Variants in PCDH7 observed in about 807,000 individuals in gnomAD.
The protein encoded by PCDH7 is protocadherin-7.
In PCDH7, 17 loss-of-function variants were observed where a neutral mutation model predicts 58.9. That is an observed-to-expected ratio of 0.29 (90% CI 0.20 to 0.43). PCDH7 has a LOEUF of 0.43. Ranked by LOEUF, PCDH7 falls within the 20% of genes least tolerant of loss-of-function variation. The pLI is 1.00. For synonymous variants in PCDH7, 664 were observed against 616.4 expected (o/e 1.08, Z -1.14); for missense variants, 1,274 against 1,441.0 (o/e 0.88, Z 1.88).
chr4:31,082,773 G>T (rs758126180), intron 3 of PCDH7, among the ~76,000 whole-genome samples: 3 of 122,204 alleles, frequency 2.5e-5, no homozygotes, highest in Non-Finnish European at 4.9e-5. Context: ...CAGAAACTCA[G>T]AAGAGGGAGG....
At chr4:30,730,453 G>A (rs1715322080) in intron 1 of PCDH7, among the ~76,000 whole-genome samples, 1 of 152,094 alleles carries the variant, frequency 6.6e-6, no homozygotes. Context: ...CACTTCTGGT[G>A]AATTAATGTT....
intron 1 of PCDH7, among the ~76,000 whole-genome samples, chr4:30,903,623 T>C (rs1740514236): frequency 6.6e-6 from 1 of 152,126 alleles, no homozygotes; most frequent in Non-Finnish European, 1.5e-5. Context: ...GATTATCCTT[T>C]ATATTTTCCA....
chr4:30,890,781 G>A (rs1738507173), intron 1 of PCDH7, among the ~76,000 whole-genome samples: 1 of 151,812 alleles, frequency 6.6e-6, no homozygotes, highest in Admixed American at 6.6e-5. Context: ...TATTTCTAAG[G>A]GTATATTTAA....
chr4:30,746,719 T>A (rs1013133963), intron 1 of PCDH7, among the ~76,000 whole-genome samples: 1 of 152,204 alleles, frequency 6.6e-6, no homozygotes, highest in Non-Finnish European at 1.5e-5. Flanking sequence ...ACATTACTAA[T>A]GACAAAATTG....
intron 3 of PCDH7, among the ~76,000 whole-genome samples, chr4:31,042,232 G>T (rs950114955): frequency 6.6e-6 from 1 of 152,122 alleles, no homozygotes; most frequent in Admixed American, 6.6e-5. Context: ...TTCTAGATAA[G>T]ATAGGAGGAT....
intron 3 of PCDH7, among the ~76,000 whole-genome samples, chr4:31,063,876 G>A (rs1233353926): frequency 1.3e-5 from 2 of 151,866 alleles, no homozygotes; most frequent in Admixed American, 6.6e-5. Context: ...TTTATAGATG[G>A]AGAAACTGAG....
chr4:30,973,391 G>A (rs1354947053), intron 3 of PCDH7, among the ~76,000 whole-genome samples: 1 of 152,162 alleles, frequency 6.6e-6, no homozygotes, highest in African/African-American at 2.4e-5. Context: ...TCAAATCATA[G>A]CACCCTTTGA....
Position 31,101,770 on chromosome 4 carries a change from T to A in PCDH7, c.*8-40703T>A, listed in dbSNP as rs1203051739. The stretch of plus-strand genomic sequence containing the variant: ...TATTATATAAATGCATTGAGTATAG[T>A]TTTTATAAATGCAAGGCACTGCGAA... On this transcript the variant is annotated intron_variant, in intron 3 of 3. Transcript: ENST00000509759. 2.0e-5 allele frequency among the ~76,000 whole-genome samples: 3 copies of A among 152,234 alleles called. No individual in the cohort carries two copies. The East Asian group carries it at 5.8e-4, about 29-fold the overall frequency.
At chr4:30,735,721 G>T (rs1716156451), downstream of PCDH7, among the ~76,000 whole-genome samples, 2 of 152,166 alleles carry the variant, frequency 1.3e-5, no homozygotes, top group African/African-American at 2.4e-5. Context: ...CTAGCGAGGA[G>T]TTGGGGAGGT....
At chr4:30,864,531 T>G (rs1455761335) in intron 1 of PCDH7, among the ~76,000 whole-genome samples, 1 of 151,960 alleles carries the variant, frequency 6.6e-6, no homozygotes, top group Non-Finnish European at 1.5e-5. Flanking sequence ...TTAATTTTTT[T>G]GTTGTTCCTA....
chr4:31,110,681 C>A (rs931295989), intron 3 of PCDH7, among the ~76,000 whole-genome samples: 1 of 151,866 alleles, frequency 6.6e-6, no homozygotes, highest in African/African-American at 2.4e-5. Context: ...TTTAGGAGGC[C>A]GAGTCGGGTG....
chr4:31,056,461 G>A (rs754504913), intron 3 of PCDH7, among the ~76,000 whole-genome samples: 12 of 37,102 alleles, frequency 3.2e-4, no homozygotes, highest in South Asian at 1.5e-3. Flanking sequence ...AAAGAAAGAA[G>A]AAAGAAAGAA....
intron 1 of PCDH7, among the ~76,000 whole-genome samples, chr4:30,784,789 G>GA (rs1040478522): frequency 1.3e-5 from 2 of 151,686 alleles, no homozygotes; most frequent in African/African-American, 4.8e-5. Flanking sequence ...GAGAGATGGG[G>GA]AAAAAAAGGG....
At chr4:31,031,075 A>G (rs1754873997) in intron 3 of PCDH7, among the ~76,000 whole-genome samples, 1 of 152,176 alleles carries the variant, frequency 6.6e-6, no homozygotes. Flanking sequence ...TATTTGAAGA[A>G]GAGTTACAAG....
intron 2 of PCDH7, among the ~76,000 whole-genome samples, chr4:30,924,617 G>T (rs1432227325): frequency 6.6e-6 from 1 of 152,116 alleles, no homozygotes; most frequent in African/African-American, 2.4e-5. Context: ...GGGTGGAAAT[G>T]TTGGCACCAT....
rs907083443 is a variant in PCDH7, at chr4:30,726,596, C to T, written c.3174+2000C>T. On this transcript the variant is annotated intron_variant, in intron 1 of 1. Coordinates refer to ENST00000361762, the Ensembl canonical transcript of PCDH7. ...TAAATAAACTAATATATGGTGTTAG[C>T]CTTTTAACTGAGTAAAGAAGTCCAC... Among the ~76,000 whole-genome samples, 4 of 151,924 alleles carry T rather than the reference C, an allele frequency of 2.6e-5. No individual in the cohort carries two copies. In the South Asian group the frequency reaches 8.3e-4, roughly 31 times the overall value.
At chr4:30,963,998 C>G (rs1437985118) in intron 3 of PCDH7, among the ~76,000 whole-genome samples, 1 of 152,074 alleles carries the variant, frequency 6.6e-6, no homozygotes, top group African/African-American at 2.4e-5. Context: ...TTATCTTGCT[C>G]CTTTGATGTA....
intron 1 of PCDH7, among the ~76,000 whole-genome samples, chr4:30,899,836 C>T (rs1382808526): frequency 6.6e-6 from 1 of 152,030 alleles, no homozygotes; most frequent in African/African-American, 2.4e-5. Context: ...ACTAAACTTC[C>T]TGATAAGGGG....
chr4:31,051,961 T>C (rs1756779655), intron 3 of PCDH7, among the ~76,000 whole-genome samples: 1 of 152,148 alleles, frequency 6.6e-6, no homozygotes, highest in Non-Finnish European at 1.5e-5. Context: ...TTATCAGTGG[T>C]ATTCTGACGG....
Sources: allele counts gnomAD v4.1 joint callset (sites outside exome capture counted in the v4.1 genomes callset), GRCh38; gene constraint gnomAD v4.1.1; transcripts MANE v1.5; gene names NCBI Gene and HGNC (gene_info 2026-07-23, HGNC 2026-07-21).